The following KAT14 variants were observed in gnomAD, a reference collection of about 807,000 sequenced individuals.
KAT14 encodes the protein cysteine-rich protein 2-binding protein.
Under a neutral mutation model 78.4 loss-of-function variants are expected in KAT14, and 66 were observed. The observed-to-expected ratio is 0.84, with a 90% CI of 0.69 to 1.03. The LOEUF (loss-of-function observed/expected upper bound fraction) is 1.03. Among genes scored for constraint, KAT14 ranks in the 50% least tolerant of loss-of-function variants. The pLI is 0.00. For missense variants in KAT14, 870 were observed against 972.5 expected (o/e 0.89, Z 1.40); for synonymous variants, 344 against 359.4 (o/e 0.96, Z 0.48).
chr20:18,165,958 G>A (rs1456691430), intron 7 of KAT14, among the ~76,000 whole-genome samples: 1 of 152,202 alleles, frequency 6.6e-6, no homozygotes. Context: ...GACAAGCTGA[G>A]CGTAGATAAG....
chr20:18,185,264 G>T (rs1386010466), intron 10 of KAT14, among the ~76,000 whole-genome samples: 3 of 152,048 alleles, frequency 2.0e-5, no homozygotes, highest in Non-Finnish European at 4.4e-5. Flanking sequence ...ACCCAGACTG[G>T]AGTTGCACAA....
chr20:18,160,186 C>CTGT (rs1648690405), intron 5 of KAT14, among the ~76,000 whole-genome samples: 1 of 152,266 alleles, frequency 6.6e-6, no homozygotes, highest in African/African-American at 2.4e-5. Context: ...CAGGGTGAGC[C>CTGT]ACCGGATCAG....
intron 7 of KAT14, among the ~76,000 whole-genome samples, chr20:18,175,892 T>C (rs2039021789): frequency 6.6e-6 from 1 of 150,420 alleles, no homozygotes; most frequent in Admixed American, 6.6e-5. Flanking sequence ...TGTGGTGACA[T>C]GTGCTACTTA....
intron 1 of KAT14, among the ~76,000 whole-genome samples, chr20:18,140,062 A>C (rs1236367842): frequency 6.6e-6 from 1 of 152,138 alleles, no homozygotes; most frequent in African/African-American, 2.4e-5. Context: ...ACCTAGAGGA[A>C]GATAGCAAAT....
chr20:18,145,048 A>T, intron 2 of KAT14, 185 bp from the exon 3 acceptor site: 1 of 1,350,650 alleles, frequency 7.4e-7, no homozygotes, highest in Non-Finnish European at 9.5e-7. Flanking sequence ...TAGTGGGCGT[A>T]TACTTGGTGT....
At chr20:18,141,051 T>TTTTTTTTTTTTTTTTTTTTTG (rs58888387) in intron 1 of KAT14, among the ~76,000 whole-genome samples, 11 of 109,702 alleles carry the variant, frequency 1.0e-4, no homozygotes, top group South Asian at 3.2e-4. Flanking sequence ...TTTTTTATTT[T>TTTTTTTTTTTTTTTTTTTTTG]TATTTTTGCT....
At chr20:18,154,062 G>A (rs538058519) in intron 4 of KAT14, among the ~76,000 whole-genome samples, 2 of 152,158 alleles carry the variant, frequency 1.3e-5, no homozygotes, top group South Asian at 4.2e-4. Context: ...CTTGCCACCC[G>A]GTTTCATGCT....
intron 4 of KAT14, 69 bp downstream of exon 4, chr20:18,151,011 C>A: frequency 6.4e-7 from 1 of 1,573,786 alleles, no homozygotes. Context: ...GGATTTGAGA[C>A]AGCCTAATGT....
In KAT14 at chr20:18,181,825, G is replaced by A. The variant is rs2039267849; in HGVS notation, c.1784G>A (p.Arg595Gln). 5.6e-6 allele frequency: 9 copies of A among 1,614,036 alleles called. No homozygotes were observed. The highest frequency in any genetic ancestry group is 1.7e-5 in the Admixed American group (1 of 60,000). The stretch of plus-strand genomic sequence containing the variant: ...AGTATTGTCAGCCCTTATACCTCTC[G>A]GATCTTGAAACCTTATATCAGGTAT... ...DQSIVSPYTS[R>Q]ILKPYIRRDY... The change falls in exon 8 of 11, where the codon CGG becomes CAG. Residue 595 changes from arginine (R) to glutamine (Q), a missense_variant. By Grantham distance (43) the Arg-to-Gln change is conservative (BLOSUM62 1). Coordinates refer to ENST00000688188, the MANE Select transcript of KAT14 (RefSeq NM_001392073.1).
At chr20:18,141,274 C>T (rs2037565801) in intron 1 of KAT14, among the ~76,000 whole-genome samples, 1 of 151,962 alleles carries the variant, frequency 6.6e-6, no homozygotes, top group Non-Finnish European at 1.5e-5. Flanking sequence ...TTCTTGGGTG[C>T]CAGGTCCACG....
intron 5 of KAT14, among the ~76,000 whole-genome samples, chr20:18,160,751 G>A (rs958392292): frequency 2.2e-4 from 34 of 152,106 alleles, no homozygotes; most frequent in Non-Finnish European, 2.5e-4. Flanking sequence ...CTGACCTTTT[G>A]TTACTTTAAA....
In KAT14 at chr20:18,150,919, T is replaced by C. The variant is rs2026022; in HGVS notation, c.477T>C (p.His159=). 9.5e-3 allele frequency: 15,392 copies of C among 1,614,112 alleles called. 1,029 individuals are homozygous for C. The East Asian group carries it at 0.14, about 15-fold the overall frequency. Residue 159 remains histidine (H), a synonymous_variant, in exon 4 of 11, where the codon CAT becomes CAC. Coordinates refer to ENST00000688188, the MANE Select transcript of KAT14 (RefSeq NM_001392073.1). ...KEDICAFIEK[H]WTFLLGNRKK... is the part of the protein sequence containing the mutation. ...ATATCTGTGCTTTTATTGAGAAACATTGGACTTTTTTACTAGGGAATAGGT... is the reference window on the plus strand; with the variant it reads ...ATATCTGTGCTTTTATTGAGAAACACTGGACTTTTTTACTAGGGAATAGGT...
chr20:18,159,073 G>A lies in KAT14; in HGVS notation c.501-11G>A, dbSNP rs980299530. The A allele has an allele frequency of 2.5e-6, 4 of 1,589,994 alleles. No individual in the cohort carries two copies. Among genetic ancestry groups the A allele is most frequent in the Non-Finnish European group, 3.4e-6 (4 of 1,172,994 alleles). ...AAGTGCCAATCATTTTTAAATTCTT[G>A]GACTCTTTAGGAAAAAGACGTCTAC... On this transcript the variant is annotated splice_polypyrimidine_tract_variant and intron_variant, in intron 4 of 10. Transcript: ENST00000688188.
chr20:18,154,894 T>G (rs1027334400), intron 4 of KAT14, among the ~76,000 whole-genome samples: 1 of 152,204 alleles, frequency 6.6e-6, no homozygotes. Context: ...AAACTATACC[T>G]TCTGGAAGAA....
At chr20:18,180,098 A>G (rs1353600756) in intron 7 of KAT14, among the ~76,000 whole-genome samples, 1 of 151,958 alleles carries the variant, frequency 6.6e-6, no homozygotes, top group Non-Finnish European at 1.5e-5. Context: ...TGAACTCCTA[A>G]CCTCAGGTGA....
intron 4 of KAT14, among the ~76,000 whole-genome samples, chr20:18,154,605 G>C (rs543140275): frequency 7.4e-6 from 1 of 134,896 alleles, no homozygotes; most frequent in Admixed American, 8.0e-5. Context: ...GAAGGCAAAT[G>C]CTTCCTATCT....
chr20:18,138,283 G>C, intron 1 of KAT14: 15 of 1,212,580 alleles, frequency 1.2e-5, no homozygotes, highest in Admixed American at 4.5e-5. Context: ...CGACCCGGCT[G>C]CCCGGCTTAG....
intron 9 of KAT14, 52 bp from the exon 10 acceptor site, chr20:18,184,550 C>G: frequency 6.5e-7 from 1 of 1,527,832 alleles, no homozygotes; most frequent in Non-Finnish European, 8.7e-7. Context: ...CTTGGTGTTC[C>G]TTAATTCTCA....
At chr20:18,182,581 C>G (rs893759305) in intron 8 of KAT14, among the ~76,000 whole-genome samples, 1 of 152,208 alleles carries the variant, frequency 6.6e-6, no homozygotes, top group African/African-American at 2.4e-5. Flanking sequence ...GGAAGCTGAG[C>G]TTGCTAGAGA....
Sources: allele counts gnomAD v4.1 joint callset (sites outside exome capture counted in the v4.1 genomes callset), GRCh38; gene constraint gnomAD v4.1.1; transcripts MANE v1.5; gene names NCBI Gene and HGNC (gene_info 2026-07-23, HGNC 2026-07-21).